Variants in IGF1R observed in about 807,000 individuals in gnomAD.
The protein encoded by IGF1R is insulin like growth factor 1 receptor, also known as insulin-like growth factor 1 receptor.
IGF1R carries 44 observed loss-of-function variants against 144.6 expected under a neutral mutation model. That is an observed-to-expected ratio of 0.30 (90% CI 0.24 to 0.39). The LOEUF (loss-of-function observed/expected upper bound fraction) is 0.39. Ranked by LOEUF, IGF1R falls within the 10% of genes least tolerant of loss-of-function variation. IGF1R has a pLI of 1.00. For missense variants in IGF1R, 1,355 were observed against 1,833.7 expected, an observed-to-expected ratio of 0.74 and a Z score of 4.77; for synonymous variants, 795 against 722.8, an observed-to-expected ratio of 1.10 and a Z score of -1.60.
intron 2 of IGF1R, among the ~76,000 whole-genome samples, chr15:98,715,706 C>T (rs2054098193): frequency 6.6e-6 from 1 of 152,108 alleles, no homozygotes; most frequent in Non-Finnish European, 1.5e-5. Flanking sequence ...GGAAGCATCA[C>T]TTAGAAACAC....
In IGF1R at chr15:98,960,701, A is replaced by G. The variant is rs2017188885; in HGVS notation, c.*3259A>G. Reference sequence around the variant, plus strand: ...GCTGCAGCAGCAGCTGGAGAGCAAGAGTCACCCAGCCTGTGCGCCAGAATG... The same window carrying G: ...GCTGCAGCAGCAGCTGGAGAGCAAGGGTCACCCAGCCTGTGCGCCAGAATG... On this transcript the variant is annotated 3_prime_UTR_variant, in exon 21 of 21. Coordinates refer to ENST00000650285, the MANE Select transcript of IGF1R (RefSeq NM_000875.5). 8.6e-6 allele frequency: 2 copies of G among 233,328 alleles called. No individual in the cohort carries two copies. The highest frequency in any genetic ancestry group is 1.7e-5 in the Non-Finnish European group (2 of 118,164). The allele number at this position is 233,328 out of a possible 1,614,324, so 14.5% of individuals were successfully genotyped here. A position where few individuals can be genotyped will look rare whatever the true frequency, so the allele number is the denominator to read the frequency against.
intron 2 of IGF1R, among the ~76,000 whole-genome samples, chr15:98,824,985 C>T (rs764740259): frequency 4.6e-5 from 7 of 152,040 alleles, no homozygotes; most frequent in African/African-American, 7.2e-5. Flanking sequence ...TACAGGCACG[C>T]GCCATCACAC....
rs2016095039 is a variant in IGF1R at position 98,935,188 on chromosome 15, CCT to C, written c.3187-126_3187-125del. On this transcript the variant is annotated intron_variant, in intron 16 of 20. Transcript: ENST00000650285. The surrounding 1 kb of genome is among the most constrained non-coding windows in gnomAD (Gnocchi z 4.2). ...TGCCTTCTGGATAGTTACCCCATTA[CCT>C]CACTGCTACCTTCAGACCCCTGTGC... The C allele has an allele frequency of 1.1e-6, 1 of 948,764 alleles. No individual in the cohort carries two copies. 58.8% of individuals were successfully genotyped at this position (948,764 alleles called of 1,614,324 possible). A position where few individuals can be genotyped will look rare whatever the true frequency, so the allele number is the denominator to read the frequency against.
chr15:98,912,991 G>A (rs1198459967), intron 7 of IGF1R, 53 bp from the exon 8 acceptor site: 2 of 1,252,744 alleles, frequency 1.6e-6, no homozygotes, highest in East Asian at 2.3e-5. Flanking sequence ...GAAGATTTTT[G>A]AGGGTTTTGA....
At position 98,891,186 on chromosome 15, in the gene IGF1R, G is replaced by C; in HGVS notation, c.641-139G>C. ...GTGGTGGGGGTGAGGATTTCGTAGT[G>C]TGTTTTTGCATTGTCTCCTCAATGA... On this transcript the variant is annotated intron_variant, in intron 2 of 20. Transcript: ENST00000650285. This position sits in a 1 kb window ranked among gnomAD's most constrained non-coding sequence, Gnocchi z 4.7. The C allele has an allele frequency of 1.3e-6, 1 of 776,162 alleles. No homozygotes were observed. Among genetic ancestry groups the C allele is most frequent in the South Asian group, 1.5e-5 (1 of 68,086 alleles). 48.1% of individuals were successfully genotyped at this position (776,162 alleles called of 1,614,324 possible). A position where few individuals can be genotyped will look rare whatever the true frequency, so the allele number is the denominator to read the frequency against.
chr15:98,909,596 C>T (rs886135658), intron 6 of IGF1R, among the ~76,000 whole-genome samples: 2 of 152,196 alleles, frequency 1.3e-5, no homozygotes, highest in African/African-American at 4.8e-5. Flanking sequence ...TGCTTCAGCC[C>T]TATGAGCTCT....
At chr15:98,908,982 C>G (rs757339648) in intron 6 of IGF1R, 83 bp downstream of exon 6, 2 of 1,251,460 alleles carry the variant, frequency 1.6e-6, no homozygotes, top group Non-Finnish European at 2.3e-6. Flanking sequence ...GGCAGCTTTC[C>G]TCTGCGGCCC....
chr15:98,689,899 C>G (rs989991658), intron 1 of IGF1R, among the ~76,000 whole-genome samples: 1 of 152,092 alleles, frequency 6.6e-6, no homozygotes, highest in African/African-American at 2.4e-5. Context: ...AAGCTGTGGG[C>G]AAAGGAGAGG....
intron 19 of IGF1R, among the ~76,000 whole-genome samples, chr15:98,948,024 C>T (rs1429359873): frequency 6.6e-6 from 1 of 152,170 alleles, no homozygotes; most frequent in Non-Finnish European, 1.5e-5. Flanking sequence ...AAAAACCTCC[C>T]CAGGAGATTC....
At chr15:98,875,472 T>C (rs2013016453) in intron 2 of IGF1R, among the ~76,000 whole-genome samples, 1 of 152,014 alleles carries the variant, frequency 6.6e-6, no homozygotes, top group African/African-American at 2.4e-5. Flanking sequence ...ACTGATCCCT[T>C]CATTGAGCAA....
At chr15:98,727,686 G>A (rs1210725993) in intron 2 of IGF1R, among the ~76,000 whole-genome samples, 1 of 152,190 alleles carries the variant, frequency 6.6e-6, no homozygotes, top group Non-Finnish European at 1.5e-5. Flanking sequence ...CAGAGAGCAG[G>A]TCTTCTTCTG....
chr15:98,950,253 T>C (rs2016723131), intron 20 of IGF1R, among the ~76,000 whole-genome samples: 2 of 152,116 alleles, frequency 1.3e-5, no homozygotes, highest in Non-Finnish European at 2.9e-5. Flanking sequence ...GGATAATAGA[T>C]AGATATGAAC....
At position 98,704,962 on chromosome 15, in the gene IGF1R, A is replaced by G. The variant is rs547857640; in HGVS notation, c.95-2600A>G. ...ATTCTTAACGTGAGCAACTCAGAGA[A>G]TGAGAGTGCTGCAGTTTACAAGCTT... is the stretch of plus-strand genomic sequence containing the variant. On this transcript the variant is annotated intron_variant, in intron 1 of 20. Transcript: ENST00000650285. This position sits in a 1 kb window ranked among gnomAD's most constrained non-coding sequence, Gnocchi z 4.9. Among the ~76,000 whole-genome samples the G allele has an allele frequency of 1.2e-3, 183 of 152,286 alleles. 1 individual carries two copies. Among genetic ancestry groups the G allele is most frequent in the African/African-American group, 4.2e-3 (176 of 41,570 alleles).
At chr15:98,942,513 A>T (rs1324118945) in intron 18 of IGF1R, among the ~76,000 whole-genome samples, 2 of 151,998 alleles carry the variant, frequency 1.3e-5, no homozygotes, top group Admixed American at 6.6e-5. Flanking sequence ...AATTTTTAAA[A>T]TTTTTTATAC....
At chr15:98,664,690 C>CAA (rs573877268) in intron 1 of IGF1R, among the ~76,000 whole-genome samples, 6,471 of 69,536 alleles carry the variant, frequency 0.093, 989 homozygotes, top group African/African-American at 0.25. Context: ...GACTCCATGT[C>CAA]AAAAAAAAAA....
Position 98,935,113 on chromosome 15 carries a change from T to C in IGF1R, c.3186+60T>C. 7.3e-7 allele frequency: 1 copy of C among 1,376,510 alleles called. No homozygotes were observed. The highest frequency in any genetic ancestry group is 2.1e-4 in the Middle Eastern group (1 of 4,686). The allele number at this position is 1,376,510 out of a possible 1,614,324, so 85.3% of individuals were successfully genotyped here. ...ACAGGGAGAGGGTATCACACAAGCCTCCCAGTATGTTCTTGGCTGCATGTA... is the reference window on the plus strand; with the variant it reads ...ACAGGGAGAGGGTATCACACAAGCCCCCCAGTATGTTCTTGGCTGCATGTA... On this transcript the variant is annotated intron_variant, in intron 16 of 20. Coordinates refer to ENST00000650285, the MANE Select transcript of IGF1R (RefSeq NM_000875.5). The surrounding 1 kb of genome is among the most constrained non-coding windows in gnomAD (Gnocchi z 4.2).
intron 3 of IGF1R, among the ~76,000 whole-genome samples, chr15:98,892,051 C>T (rs189318295): frequency 7.0e-4 from 106 of 152,224 alleles, no homozygotes; most frequent in African/African-American, 2.5e-3. Flanking sequence ...TGCTAAGCCC[C>T]CACCACCATC....
intron 2 of IGF1R, among the ~76,000 whole-genome samples, chr15:98,877,489 C>CTTTTT (rs5814908): frequency 0.017 from 1,491 of 85,496 alleles, 47 homozygotes; most frequent in African/African-American, 0.067. Flanking sequence ...CACTAGCAGC[C>CTTTTT]TTTTTTTTTT....
In IGF1R at chr15:98,922,352, T is replaced by C; in HGVS notation, c.2406T>C (p.Asp802=). The change falls in exon 11 of 21, where the codon GAT becomes GAC. Residue 802 remains aspartate, a synonymous_variant. Coordinates refer to ENST00000650285, the MANE Select transcript of IGF1R (RefSeq NM_000875.5). ...GGCCTTTCACATTGTACCGCATCGA[T>C]ATCCACAGCTGCAACCACGAGGCTG... is the stretch of plus-strand genomic sequence containing the variant. The part of the protein sequence containing the change: ...NLRPFTLYRI[D]IHSCNHEAEK... 3.1e-6 allele frequency: 5 copies of C among 1,614,206 alleles called. No individual in the cohort carries two copies. The highest frequency in any genetic ancestry group is 4.2e-6 in the Non-Finnish European group (5 of 1,180,038).
Sources: gnomAD v4.1 joint callset for allele counts (sites outside exome capture counted in the v4.1 genomes callset) on GRCh38, gnomAD v4.1.1 for gene constraint, Gnocchi (gnomAD v3.1) non-coding constraint, MANE v1.5 for transcripts, NCBI Gene and HGNC (gene_info 2026-07-23, HGNC 2026-07-21) for gene names.